PCDH9: variants seen among roughly 807,000 people sequenced by gnomAD.
PCDH9 encodes the protein protocadherin 9.
In PCDH9, 24 loss-of-function variants were observed where a neutral mutation model predicts 70.6. The ratio of observed to expected loss-of-function variants is 0.34; its 90% CI spans 0.25 to 0.48. The LOEUF (loss-of-function observed/expected upper bound fraction) is 0.48, where lower values mean the gene tolerates loss of function less well. Among genes scored for constraint, PCDH9 ranks in the 20% least tolerant of loss-of-function variants. The pLI is 0.99. For synonymous variants in PCDH9, 562 were observed against 558.5 expected (o/e 1.01, Z -0.09); for missense variants, 1,281 against 1,503.6 (o/e 0.85, Z 2.45).
chr13:67,227,310 A>G lies in PCDH9; in HGVS notation c.1131T>C (p.Asp377=). The G allele has an allele frequency of 6.2e-7, 1 of 1,613,742 alleles. No individual in the cohort carries two copies. The highest frequency in any genetic ancestry group is 1.1e-5 in the South Asian group (1 of 91,062). The part of the protein sequence containing the change: ...INGTVYLSEK[D]PVNTKIALIT... The stretch of plus-strand genomic sequence containing the variant: ...TTAGGGCAATCTTTGTATTGACAGG[A>G]TCTTTCTCAGATAAATACACGGTGC... The change falls in exon 2 of 5, where the codon GAT becomes GAC. Residue 377 remains aspartate, a synonymous_variant. Transcript: ENST00000377865. The surrounding 1 kb of genome is among the most constrained non-coding windows in gnomAD (Gnocchi z 4.6).
intron 2 of PCDH9, among the ~76,000 whole-genome samples, chr13:67,046,266 A>C (rs2085220265): frequency 6.6e-6 from 1 of 152,202 alleles, no homozygotes; most frequent in South Asian, 2.1e-4. Context: ...AATGGATTTT[A>C]CACTCAGTTT....
chr13:66,853,340 T>C (rs2081345451), intron 3 of PCDH9, among the ~76,000 whole-genome samples: 1 of 152,076 alleles, frequency 6.6e-6, no homozygotes. Context: ...TACTTCACTC[T>C]TTCCAAATTT....
chr13:66,908,396 A>AACTG (rs1355471532), intron 2 of PCDH9, among the ~76,000 whole-genome samples: 20 of 152,196 alleles, frequency 1.3e-4, no homozygotes, highest in Admixed American at 6.5e-5. Flanking sequence ...GAGAGGATAA[A>AACTG]ACTGAGTACT....
intron 4 of PCDH9, among the ~76,000 whole-genome samples, chr13:66,363,126 C>T (rs1956499156): frequency 6.6e-6 from 1 of 152,156 alleles, no homozygotes; most frequent in South Asian, 2.1e-4. Flanking sequence ...TTGCAGTGAG[C>T]TGAGATTGCA....
chr13:66,492,630 T>C (rs1190696397), intron 4 of PCDH9, among the ~76,000 whole-genome samples: 6 of 151,984 alleles, frequency 3.9e-5, no homozygotes, highest in Admixed American at 3.3e-4. Flanking sequence ...TCAGAAAAGA[T>C]AGATGGCTTT....
chr13:67,153,372 T>C (rs889038265), intron 2 of PCDH9, among the ~76,000 whole-genome samples: 1 of 152,070 alleles, frequency 6.6e-6, no homozygotes, highest in Non-Finnish European at 1.5e-5. Context: ...GGTCTCCCTA[T>C]GTTGTCCCAG....
intron 2 of PCDH9, among the ~76,000 whole-genome samples, chr13:67,002,346 C>T (rs1333048645): frequency 6.6e-6 from 1 of 151,822 alleles, no homozygotes; most frequent in Non-Finnish European, 1.5e-5. Context: ...AAAATGGATA[C>T]AATGAAGTTC....
chr13:66,488,399 G>A (rs557872716), intron 4 of PCDH9, among the ~76,000 whole-genome samples: 1 of 152,168 alleles, frequency 6.6e-6, no homozygotes, highest in Admixed American at 6.5e-5. Flanking sequence ...AGGGCCAAAT[G>A]AGTGCCCTAG....
At chr13:66,681,922 C>T (rs2078325995) in intron 3 of PCDH9, among the ~76,000 whole-genome samples, 2 of 114,510 alleles carry the variant, frequency 1.7e-5, no homozygotes, top group Non-Finnish European at 3.6e-5. Flanking sequence ...TAGTAGGATA[C>T]ATCTGGGTAC....
At position 66,736,249 on chromosome 13, in the gene PCDH9, T is replaced by C. The variant is rs191996069; in HGVS notation, c.3139-104838A>G. Among the ~76,000 whole-genome samples the C allele has an allele frequency of 2.4e-3, 359 of 152,266 alleles. 1 individual carries two copies. Among genetic ancestry groups the C allele is most frequent in the African/African-American group, 8.3e-3 (345 of 41,550 alleles). ...CCCCCATAGCTCAGCTGTGACTATT[T>C]TGGCTAAAGGACCTTTAAAGAGGTG... is the stretch of plus-strand genomic sequence containing the variant. On this transcript the variant is annotated intron_variant, in intron 3 of 4. Transcript: ENST00000377865.
At chr13:66,725,388 A>T (rs1326322038) in intron 3 of PCDH9, among the ~76,000 whole-genome samples, 1 of 152,148 alleles carries the variant, frequency 6.6e-6, no homozygotes, top group Admixed American at 6.5e-5. Flanking sequence ...AGCCAGAATG[A>T]TCTTCTTAAA....
intron 4 of PCDH9, among the ~76,000 whole-genome samples, chr13:66,321,786 A>C (rs1955760221): frequency 6.6e-6 from 1 of 151,918 alleles, no homozygotes; most frequent in Admixed American, 6.6e-5. Flanking sequence ...GTTACTTTTT[A>C]GTGTTTTCTC....
At chr13:66,548,253 T>C (rs115962538) in intron 4 of PCDH9, among the ~76,000 whole-genome samples, 4,623 of 152,186 alleles carry the variant, frequency 0.03, 214 homozygotes, top group African/African-American at 0.1. Context: ...TTTTTTCTTA[T>C]TTAAAATTTT....
intron 2 of PCDH9, among the ~76,000 whole-genome samples, chr13:67,187,133 A>G (rs1399715338): frequency 6.6e-6 from 1 of 152,206 alleles, no homozygotes; most frequent in African/African-American, 2.4e-5. Flanking sequence ...AAAGCTGAAC[A>G]TGATGGTCAT....
chr13:67,093,025 G>A (rs1199545975), intron 2 of PCDH9, among the ~76,000 whole-genome samples: 1 of 152,170 alleles, frequency 6.6e-6, no homozygotes, highest in East Asian at 1.9e-4. Context: ...ACCCTGATAG[G>A]TTGTGAGCTA....
chr13:66,971,582 T>C (rs2083523647), intron 2 of PCDH9, among the ~76,000 whole-genome samples: 1 of 152,038 alleles, frequency 6.6e-6, no homozygotes, highest in South Asian at 2.1e-4. Flanking sequence ...CATCATTATA[T>C]GCTTGTGTAA....
intron 3 of PCDH9, among the ~76,000 whole-genome samples, chr13:66,899,408 T>C (rs868117101): frequency 6.6e-6 from 1 of 151,980 alleles, no homozygotes; most frequent in Non-Finnish European, 1.5e-5. Context: ...AGAGCTAAGA[T>C]TTCCATCTGA....
chr13:66,828,810 A>AAAAAAAAAAAAAAATAATAATAAT (rs71207607), intron 3 of PCDH9, among the ~76,000 whole-genome samples: 4 of 148,608 alleles, frequency 2.7e-5, no homozygotes, highest in African/African-American at 9.9e-5. Flanking sequence ...GCCATACATA[A>AAAAAAAAAAAAAAATAATAATAAT]AATAATAATA....
At chr13:67,008,143 T>C (rs894973473) in intron 2 of PCDH9, among the ~76,000 whole-genome samples, 2 of 152,088 alleles carry the variant, frequency 1.3e-5, no homozygotes, top group Non-Finnish European at 2.9e-5. Flanking sequence ...AACATAATAA[T>C]ATGGAACAAA....
Sources: allele counts gnomAD v4.1 joint callset (sites outside exome capture counted in the v4.1 genomes callset), GRCh38; gene constraint gnomAD v4.1.1; non-coding constraint Gnocchi (gnomAD v3.1); transcripts MANE v1.5; gene names NCBI Gene and HGNC (gene_info 2026-07-23, HGNC 2026-07-21).